LSAMP: variants seen among roughly 807,000 people sequenced by gnomAD.
The protein encoded by LSAMP is limbic system associated membrane protein.
LSAMP carries 7 observed loss-of-function variants against 38.6 expected under a neutral mutation model. The observed-to-expected ratio is 0.18, with a 90% CI of 0.10 to 0.34. The LOEUF (loss-of-function observed/expected upper bound fraction) is 0.34, where lower values mean the gene tolerates loss of function less well. Among genes scored for constraint, LSAMP ranks in the 10% least tolerant of loss-of-function variants. LSAMP has a pLI of 1.00. For synonymous variants in LSAMP, 154 were observed against 166.8 expected (o/e 0.92, Z 0.59); for missense variants, 313 against 420.0 (o/e 0.75, Z 2.23).
chr3:116,161,575 G>A (rs1276998143), intron 1 of LSAMP, among the ~76,000 whole-genome samples: 2 of 152,112 alleles, frequency 1.3e-5, no homozygotes, highest in Non-Finnish European at 2.9e-5. Flanking sequence ...TGTTAGAAAT[G>A]GCTATGTTGT....
At chr3:116,155,379 C>A (rs891581026) in intron 1 of LSAMP, among the ~76,000 whole-genome samples, 9 of 151,988 alleles carry the variant, frequency 5.9e-5, no homozygotes, top group African/African-American at 2.2e-4. Context: ...CGCCCACCAC[C>A]ATGCCTGGCT....
At chr3:116,045,686 T>C (rs1011528385) in intron 2 of LSAMP, among the ~76,000 whole-genome samples, 1 of 152,174 alleles carries the variant, frequency 6.6e-6, no homozygotes, top group Non-Finnish European at 1.5e-5. Context: ...TAGGTGTCTC[T>C]GAGAACAGAA....
At chr3:116,149,383 T>C (rs1461113) in intron 1 of LSAMP, among the ~76,000 whole-genome samples, 37,537 of 151,900 alleles carry the variant, frequency 0.25, 4,688 homozygotes, top group Admixed American at 0.28. Flanking sequence ...CATTTGTTCC[T>C]GACCATTAAA....
intron 3 of LSAMP, among the ~76,000 whole-genome samples, chr3:115,927,978 A>G (rs1381382451): frequency 6.6e-6 from 1 of 152,176 alleles, no homozygotes; most frequent in Non-Finnish European, 1.5e-5. Flanking sequence ...TGCCTAATTG[A>G]TTATCTGCCT....
intron 1 of LSAMP, among the ~76,000 whole-genome samples, chr3:116,194,980 G>A (rs558780071): frequency 6.6e-6 from 1 of 152,152 alleles, no homozygotes; most frequent in Non-Finnish European, 1.5e-5. Flanking sequence ...CTGAATCACT[G>A]TGCAGCAGAC....
intron 1 of LSAMP, among the ~76,000 whole-genome samples, chr3:116,303,845 TATATC>T (rs1347613337): frequency 3.9e-5 from 6 of 152,196 alleles, no homozygotes; most frequent in African/African-American, 1.4e-4. Context: ...TGTTATCCCT[TATATC>T]ATTGTGAAAA....
chr3:116,033,846 T>C (rs1320917148), intron 2 of LSAMP, among the ~76,000 whole-genome samples: 1 of 152,198 alleles, frequency 6.6e-6, no homozygotes, highest in East Asian at 1.9e-4. Flanking sequence ...CAGATGTGCC[T>C]GAGAATGGGT....
chr3:116,172,776 A>G (rs1710233852), intron 1 of LSAMP, among the ~76,000 whole-genome samples: 1 of 151,982 alleles, frequency 6.6e-6, no homozygotes, highest in Admixed American at 6.6e-5. Flanking sequence ...TCATTAGTGT[A>G]ATGGATGTTT....
intron 3 of LSAMP, among the ~76,000 whole-genome samples, chr3:115,912,940 T>C (rs1194343264): frequency 6.6e-6 from 1 of 152,212 alleles, no homozygotes; most frequent in Non-Finnish European, 1.5e-5. Context: ...TCTCCAACTT[T>C]CAGAATCTTT....
intron 3 of LSAMP, among the ~76,000 whole-genome samples, chr3:115,904,121 G>T (rs1431266197): frequency 6.6e-6 from 1 of 152,040 alleles, no homozygotes; most frequent in Non-Finnish European, 1.5e-5. Context: ...CAAAAAAAGT[G>T]AAGCAACAAA....
chr3:116,170,895 CTCT>C (rs1710181558), intron 1 of LSAMP, among the ~76,000 whole-genome samples: 1 of 152,012 alleles, frequency 6.6e-6, no homozygotes, highest in African/African-American at 2.4e-5. Context: ...TGGTTCCTGG[CTCT>C]TCTTTCTCTA....
At chr3:116,236,172 C>CA (rs2046463663) in intron 1 of LSAMP, among the ~76,000 whole-genome samples, 1 of 151,768 alleles carries the variant, frequency 6.6e-6, no homozygotes, top group Non-Finnish European at 1.5e-5. Flanking sequence ...CATTTTATCT[C>CA]CAAAATATAT....
intron 1 of LSAMP, among the ~76,000 whole-genome samples, chr3:116,163,107 G>A (rs1326287042): frequency 1.3e-5 from 2 of 151,352 alleles, no homozygotes; most frequent in Non-Finnish European, 2.9e-5. Context: ...TAAGTTTTAG[G>A]GTACATGTGC....
intron 3 of LSAMP, among the ~76,000 whole-genome samples, chr3:115,903,973 G>T (rs775887751): frequency 6.6e-6 from 1 of 152,110 alleles, no homozygotes; most frequent in Non-Finnish European, 1.5e-5. Context: ...AGTGATTCCA[G>T]ATAAATGACA....
chr3:116,382,365 G>T (rs2048570986), intron 1 of LSAMP, among the ~76,000 whole-genome samples: 1 of 151,986 alleles, frequency 6.6e-6, no homozygotes, highest in African/African-American at 2.4e-5. Flanking sequence ...GGACATGGAT[G>T]AAGCTGGAAA....
chr3:116,137,561 CT>C (rs770832485), intron 1 of LSAMP, among the ~76,000 whole-genome samples: 1 of 152,062 alleles, frequency 6.6e-6, no homozygotes, highest in Non-Finnish European at 1.5e-5. Flanking sequence ...CATATACATC[CT>C]TTGAGAAATA....
chr3:115,952,664 T>C (rs1004677731), intron 3 of LSAMP, among the ~76,000 whole-genome samples: 7 of 152,128 alleles, frequency 4.6e-5, no homozygotes, highest in Admixed American at 4.6e-4. Context: ...AAATCACTAC[T>C]GAAGAACTTA....
intron 1 of LSAMP, among the ~76,000 whole-genome samples, chr3:116,162,893 C>T (rs1709933146): frequency 6.6e-6 from 1 of 151,922 alleles, no homozygotes; most frequent in Non-Finnish European, 1.5e-5. Context: ...TTTGTTCTCC[C>T]TCTCAAGGTG....
intron 1 of LSAMP, among the ~76,000 whole-genome samples, chr3:116,273,707 T>TATATATACAC (rs1307543165): frequency 4.6e-4 from 47 of 102,220 alleles, no homozygotes; most frequent in East Asian, 8.5e-4. Flanking sequence ...TATATATATA[T>TATATATACAC]ACACACACAC....
Sources: gnomAD v4.1 joint callset for allele counts (sites outside exome capture counted in the v4.1 genomes callset) on GRCh38, gnomAD v4.1.1 for gene constraint, MANE v1.5 for transcripts, NCBI Gene and HGNC (gene_info 2026-07-23, HGNC 2026-07-21) for gene names.